Variants in CAPRIN1 observed in about 807,000 individuals in gnomAD.
The protein encoded by CAPRIN1 is caprin-1.
CAPRIN1 carries 29 observed loss-of-function variants against 100.9 expected under a neutral mutation model. The observed-to-expected ratio is 0.29, with a 90% CI of 0.21 to 0.39. The LOEUF (loss-of-function observed/expected upper bound fraction) is 0.39, where lower values mean the gene tolerates loss of function less well. Among genes scored for constraint, CAPRIN1 ranks in the 10% least tolerant of loss-of-function variants. The probability of loss-of-function intolerance (pLI) is 1.00; values close to 1 mark genes in which losing one functional copy is unlikely to be tolerated. For missense variants in CAPRIN1, 795 were observed against 876.7 expected (o/e 0.91, Z 1.18); for synonymous variants, 338 against 307.5 (o/e 1.10, Z -1.04).
chr11:34,091,690 G>A, intron 14 of CAPRIN1: 1 of 395,826 alleles, frequency 2.5e-6, no homozygotes, highest in South Asian at 6.3e-5. Flanking sequence ...CCATTTCACA[G>A]CATATTATAC....
intron 18 of CAPRIN1, chr11:34,098,773 C>T (rs1851408962): frequency 1.0e-6 from 1 of 984,536 alleles, no homozygotes; most frequent in Non-Finnish European, 1.2e-6. Context: ...GTTTTAACAG[C>T]ATGTAAAAAG....
At chr11:34,052,699 C>A in intron 2 of CAPRIN1, 63 bp downstream of exon 2, 1 of 1,506,326 alleles carries the variant, frequency 6.6e-7, no homozygotes, top group East Asian at 2.4e-5. Context: ...CCCTCCGACC[C>A]TGGTCGCTGG....
Position 34,072,751 on chromosome 11 carries a change from C to A in CAPRIN1, c.366+764C>A, listed in dbSNP as rs16925116. Among the ~76,000 whole-genome samples the A allele has an allele frequency of 6.3e-3, 966 of 152,304 alleles. 16 individuals carry two copies. Among genetic ancestry groups the A allele is most frequent in the Admixed American group, 0.038 (577 of 15,284 alleles). On this transcript the variant is annotated intron_variant, in intron 4 of 18. Transcript: ENST00000341394. ...AAGCCATCTGAATAAGTGTCATCTT[C>A]TTTGGAGAAGACTAATAACATTGAA...
Position 34,076,320 on chromosome 11 carries a change from G to A in CAPRIN1, c.451G>A (p.Glu151Lys), listed in dbSNP as rs766999764. 7 of 1,614,124 alleles carry A rather than the reference G, an allele frequency of 4.3e-6. No homozygotes were observed. The South Asian group carries it at 7.7e-5, about 18-fold the overall frequency. Residue 151 changes from glutamate (E) to lysine (K), a missense_variant, in exon 5 of 19, where the codon GAG (glutamate) becomes AAG (lysine). By Grantham distance (56) the Glu-to-Lys change is moderately conservative. Around this residue, in one of 3 missense-constraint regions of CAPRIN1, gnomAD observed 648 missense variants for 697.9 expected, o/e 0.93. Coordinates refer to ENST00000341394, the MANE Select transcript of CAPRIN1 (RefSeq NM_005898.5). ...AEQKRLKTVLELQYVLDKLGD... is the reference protein window; with the variant it reads ...AEQKRLKTVLKLQYVLDKLGD... ...ACAGAAACGTTTAAAAACTGTACTT[G>A]AGCTACAGTATGTTTTGGACAAATT... is the stretch of plus-strand genomic sequence containing the variant.
Position 34,100,157 on chromosome 11 carries a change from G to T in CAPRIN1, c.*790G>T, listed in dbSNP as rs574676795. 2 of 152,176 alleles carry T rather than the reference G, an allele frequency of 1.3e-5. No homozygotes were observed. Among genetic ancestry groups the T allele is most frequent in the South Asian group, 4.2e-4 (2 of 4,818 alleles). 9.4% of individuals were successfully genotyped at this position (152,176 alleles called of 1,614,324 possible). A position where few individuals can be genotyped will look rare whatever the true frequency, so the allele number is the denominator to read the frequency against. ...TTTGAACACTTAACAGTTTCTTTGA[G>T]ACAATGACTTTTGTAAGGATTGGTA... On this transcript the variant is annotated 3_prime_UTR_variant, in exon 19 of 19. Coordinates refer to ENST00000341394, the MANE Select transcript of CAPRIN1 (RefSeq NM_005898.5).
chr11:34,052,743 T>A, intron 2 of CAPRIN1, 107 bp downstream of exon 2: 1 of 1,425,626 alleles, frequency 7.0e-7, no homozygotes, highest in Non-Finnish European at 9.5e-7. Context: ...GGAGCGTTAC[T>A]AGGTCCCCTC....
intron 11 of CAPRIN1, among the ~76,000 whole-genome samples, chr11:34,086,642 A>G (rs1486762945): frequency 6.6e-6 from 1 of 152,208 alleles, no homozygotes; most frequent in Admixed American, 6.5e-5. Context: ...ATAGAAAAAT[A>G]TACGCAAGTT....
intron 15 of CAPRIN1, among the ~76,000 whole-genome samples, chr11:34,094,303 G>T (rs915901419): frequency 6.7e-6 from 1 of 150,220 alleles, no homozygotes; most frequent in Non-Finnish European, 1.5e-5. Flanking sequence ...TGATCCACCC[G>T]CCTCGGCCTT....
At chr11:34,060,512 A>G (rs1340148867) in intron 2 of CAPRIN1, among the ~76,000 whole-genome samples, 1 of 152,110 alleles carries the variant, frequency 6.6e-6, no homozygotes, top group African/African-American at 2.4e-5. Context: ...GCCCCCCTCA[A>G]TACTGTTATC....
intron 9 of CAPRIN1, among the ~76,000 whole-genome samples, chr11:34,083,256 AT>A (rs2095059346): frequency 6.6e-6 from 1 of 152,196 alleles, no homozygotes; most frequent in Non-Finnish European, 1.5e-5. Flanking sequence ...TAAAAAAATT[AT>A]TTTATACAAA....
At chr11:34,081,703 G>A (rs950424374) in intron 7 of CAPRIN1, among the ~76,000 whole-genome samples, 5 of 151,952 alleles carry the variant, frequency 3.3e-5, no homozygotes, top group African/African-American at 1.2e-4. Context: ...TCACCATATC[G>A]GCTAGGCTGG....
At chr11:34,065,125 A>G (rs764353955) in intron 2 of CAPRIN1, among the ~76,000 whole-genome samples, 1 of 151,254 alleles carries the variant, frequency 6.6e-6, no homozygotes, top group African/African-American at 2.4e-5. Context: ...ACGCCCGACT[A>G]ATTTTTTTTT....
In CAPRIN1 at chr11:34,096,549, G is replaced by C; in HGVS notation, c.1776G>C (p.Gln592His). 1 of 1,614,110 alleles carries C rather than the reference G, an allele frequency of 6.2e-7. No homozygotes were observed. The highest frequency in any genetic ancestry group is 8.5e-7 in the Non-Finnish European group (1 of 1,180,018). The change falls in exon 16 of 19, where the codon CAG becomes CAC. Residue 592 changes from glutamine to histidine, a missense_variant. By Grantham distance (24) the Gln-to-His change is conservative. This residue lies in a region of CAPRIN1 where 648 missense variants were observed against 697.9 expected (regional missense o/e 0.93). Transcript: ENST00000341394. ...CTGGTAACCACCAGCAGCCTCCTCA[G>C]CAGAACACTGGATTTCCACGTAGCA... ...QVTGNHQQPP[Q>H]QNTGFPRSNQ...
At chr11:34,083,821 A>G (rs183873945) in intron 9 of CAPRIN1, among the ~76,000 whole-genome samples, 1 of 152,202 alleles carries the variant, frequency 6.6e-6, no homozygotes, top group African/African-American at 2.4e-5. Context: ...TAACCCCAGC[A>G]CTTTGTGGGG....
chr11:34,094,941 G>A (rs1186082286), intron 15 of CAPRIN1, among the ~76,000 whole-genome samples: 1 of 152,088 alleles, frequency 6.6e-6, no homozygotes, highest in Non-Finnish European at 1.5e-5. Context: ...GGAGTGCAGT[G>A]GTACGATCTC....
chr11:34,071,800 AT>A lies in CAPRIN1; in HGVS notation c.279+13del, dbSNP rs1590729817. 2 of 1,453,682 alleles carry A rather than the reference AT, an allele frequency of 1.4e-6. No homozygotes were observed. Among genetic ancestry groups the A allele is most frequent in the Non-Finnish European group, 9.1e-7 (1 of 1,102,714 alleles). 90.0% of individuals were successfully genotyped at this position (1,453,682 alleles called of 1,614,324 possible). On this transcript the variant is annotated intron_variant, in intron 3 of 18. Coordinates refer to ENST00000341394, the MANE Select transcript of CAPRIN1 (RefSeq NM_005898.5). ...ATCAAGATCAGCTGGTAAAGATGTTATATTTTTTATTTTAGACCTAATGCTC... is the reference window on the plus strand; with the variant it reads ...ATCAAGATCAGCTGGTAAAGATGTTAATTTTTTATTTTAGACCTAATGCTC...
intron 15 of CAPRIN1, 56 bp downstream of exon 15, chr11:34,092,112 A>G: frequency 6.3e-7 from 1 of 1,576,668 alleles, no homozygotes; most frequent in Non-Finnish European, 8.7e-7. Context: ...AGTTATTGAC[A>G]GTGTTAGGAC....
intron 1 of CAPRIN1, 179 bp from the exon 2 acceptor site, chr11:34,052,242 G>A (rs949744176): frequency 1.2e-4 from 19 of 152,460 alleles, no homozygotes; most frequent in African/African-American, 6.4e-4. Context: ...CCGCTGGCGG[G>A]TCGCGCGCGC....
rs548798359 is a variant in CAPRIN1, at chr11:34,052,748, C to T, written c.216+112C>T. The T allele has an allele frequency of 1.3e-4, 188 of 1,411,854 alleles. 3 individuals carry two copies. The South Asian group carries it at 1.7e-3, about 12-fold the overall frequency. 87.5% of individuals were successfully genotyped at this position (1,411,854 alleles called of 1,614,324 possible). ...TTTCGTCTCGGGAGCGTTACTAGGT[C>T]CCCTCCTCCCACCCCCTGGCCCACA... On this transcript the variant is annotated intron_variant, in intron 2 of 18. Transcript: ENST00000341394.
Sources: allele counts gnomAD v4.1 joint callset (sites outside exome capture counted in the v4.1 genomes callset), GRCh38; gene constraint gnomAD v4.1.1; regional missense constraint gnomAD v4.1.1; transcripts MANE v1.5; gene names NCBI Gene and HGNC (gene_info 2026-07-23, HGNC 2026-07-21).